SLC17A1: variants seen among roughly 807,000 people sequenced by gnomAD.
SLC17A1 encodes solute carrier family 17 member 1, also known as sodium-dependent phosphate transport protein 1.
In SLC17A1, 51 loss-of-function variants were observed where a neutral mutation model predicts 53.5. The observed-to-expected ratio is 0.95, with a 90% CI of 0.76 to 1.20. The LOEUF (loss-of-function observed/expected upper bound fraction) is 1.20, where lower values mean the gene tolerates loss of function less well. Ranked by LOEUF, SLC17A1 falls within the 50% of genes most tolerant of loss-of-function variation. The probability of loss-of-function intolerance (pLI) is 0.00; values close to 1 mark genes in which losing one functional copy is unlikely to be tolerated. For synonymous variants in SLC17A1, 179 were observed against 198.8 expected (o/e 0.90, Z 0.84); for missense variants, 538 against 568.2 (o/e 0.95, Z 0.54).
intron 6 of SLC17A1, 31 bp from the exon 7 acceptor site, chr6:25,813,244 G>C (rs1764223234): frequency 1.3e-6 from 2 of 1,552,354 alleles, no homozygotes; most frequent in African/African-American, 2.7e-5. Flanking sequence ...AGAATTGGAA[G>C]TCTCTGTTTG....
At chr6:25,750,678 C>A in the SLC17A1 span, among the ~76,000 whole-genome samples, 1 of 150,770 alleles carries the variant, frequency 6.6e-6, no homozygotes, top group Non-Finnish European at 1.5e-5. Context: ...GAAGGAGAAG[C>A]ACTTGTATAG....
intron 8 of SLC17A1, among the ~76,000 whole-genome samples, chr6:25,812,109 G>A (rs1392778643): frequency 1.3e-5 from 2 of 152,138 alleles, no homozygotes; most frequent in Non-Finnish European, 2.9e-5. Context: ...ACAGACATGC[G>A]TATGGTGCTT....
chr6:25,830,546 AT>A lies in SLC17A1; in HGVS notation c.11del (p.Asp4ValfsTer29). 2.5e-6 allele frequency: 4 copies of A among 1,613,948 alleles called. No homozygotes were observed. Among genetic ancestry groups the A allele is most frequent in the Non-Finnish European group, 2.5e-6 (3 of 1,179,840 alleles). Reference protein sequence around the residue: MQMDNRLPPKKVPG... With the variant: MQMXNRLPPKKVPG... ...TACCTTTTTTGGGAGGCAACCGGTT[AT>A]CCATTTGCATACACGGCTGAAGTTG... is the stretch of plus-strand genomic sequence containing the variant. On this transcript the variant is annotated frameshift_variant, in exon 2 of 13. Coordinates refer to ENST00000244527, the MANE Select transcript of SLC17A1 (RefSeq NM_005074.5). LOFTEE classifies it high-confidence loss of function.
At chr6:25,784,146 G>A (rs77401850) in intron 12 of SLC17A1, among the ~76,000 whole-genome samples, 1 of 152,014 alleles carries the variant, frequency 6.6e-6, no homozygotes, top group African/African-American at 2.4e-5. Flanking sequence ...ACATTTTCTG[G>A]GTTTTCCAGT....
At chr6:25,763,862 G>A in the SLC17A1 span, among the ~76,000 whole-genome samples, 1 of 152,170 alleles carries the variant, frequency 6.6e-6, no homozygotes, top group African/African-American at 2.4e-5. Flanking sequence ...AAGTCCATGA[G>A]CTTCTTTCTG....
the SLC17A1 span, chr6:25,726,723 C>A: frequency 9.5e-7 from 1 of 1,052,858 alleles, no homozygotes; most frequent in Non-Finnish European, 1.4e-6. Flanking sequence ...GGATACCGAA[C>A]GCGGCGTTTG....
chr6:25,744,755 C>T, the SLC17A1 span, among the ~76,000 whole-genome samples: 1 of 152,044 alleles, frequency 6.6e-6, no homozygotes. Context: ...CCATGGAAAT[C>T]AACAACCACT....
At chr6:25,762,413 G>T in the SLC17A1 span, among the ~76,000 whole-genome samples, 1 of 152,218 alleles carries the variant, frequency 6.6e-6, no homozygotes, top group East Asian at 1.9e-4. Flanking sequence ...ATCCAGACCT[G>T]ACCCCGAACC....
intron 3 of SLC17A1, 79 bp downstream of exon 3, chr6:25,826,382 G>A (rs1168155983): frequency 2.0e-5 from 25 of 1,223,108 alleles, no homozygotes; most frequent in Non-Finnish European, 2.7e-5. Context: ...TATCATATCA[G>A]TACAATTCCA....
At chr6:25,726,593 A>G in the SLC17A1 span, 1 of 1,530,544 alleles carries the variant, frequency 6.5e-7, no homozygotes, top group Non-Finnish European at 8.8e-7. Flanking sequence ...GCCTATTTAT[A>G]GTCTGACTGA....
At chr6:25,726,406 G>A in the SLC17A1 span, 2 of 1,614,036 alleles carry the variant, frequency 1.2e-6, no homozygotes, top group African/African-American at 1.3e-5. Flanking sequence ...TATCCGCTCT[G>A]CATAGTTTCC....
At chr6:25,726,167 T>A in the SLC17A1 span, 3 of 1,573,440 alleles carry the variant, frequency 1.9e-6, no homozygotes, top group African/African-American at 1.4e-5. Context: ...TGACTCTCAG[T>A]CTTCTTGGGC....
At chr6:25,792,037 T>C (rs1020281978) in intron 12 of SLC17A1, among the ~76,000 whole-genome samples, 1 of 152,206 alleles carries the variant, frequency 6.6e-6, no homozygotes. Flanking sequence ...TCAAGATGGA[T>C]CCCAGGTGGC....
chr6:25,807,170 C>T (rs1002682646), intron 10 of SLC17A1, among the ~76,000 whole-genome samples: 75 of 152,148 alleles, frequency 4.9e-4, no homozygotes, highest in African/African-American at 1.8e-3. Context: ...AGAAATTCCA[C>T]TACTGGGTAT....
chr6:25,731,887 T>G, the SLC17A1 span: 12 of 1,602,954 alleles, frequency 7.5e-6, no homozygotes, highest in Non-Finnish European at 9.4e-6. Flanking sequence ...TGGATCTCCC[T>G]GGAGGTGATG....
chr6:25,766,950 C>T, the SLC17A1 span, among the ~76,000 whole-genome samples: 1 of 152,118 alleles, frequency 6.6e-6, no homozygotes, highest in African/African-American at 2.4e-5. Context: ...ACTAAGAGAT[C>T]TGAATAAACT....
At chr6:25,778,970 G>T, downstream of SLC17A1, 1 of 1,561,582 alleles carries the variant, frequency 6.4e-7, no homozygotes. Context: ...GGAGGGAGCA[G>T]GAGGACACAG....
chr6:25,770,071 C>T, the SLC17A1 span: 1 of 1,613,790 alleles, frequency 6.2e-7, no homozygotes, highest in South Asian at 1.1e-5. Context: ...ATCTAGGCCC[C>T]TGCATATGAC....
At chr6:25,803,480 G>A (rs1424988238) in intron 10 of SLC17A1, among the ~76,000 whole-genome samples, 2 of 152,150 alleles carry the variant, frequency 1.3e-5, no homozygotes, top group African/African-American at 4.8e-5. Flanking sequence ...AAGGTACAAT[G>A]TGAACAGTGT....
Sources: allele counts gnomAD v4.1 joint callset (sites outside exome capture counted in the v4.1 genomes callset), GRCh38; gene constraint gnomAD v4.1.1; transcripts MANE v1.5; gene names NCBI Gene and HGNC (gene_info 2026-07-23, HGNC 2026-07-21).